The following SOX5 variants were observed in gnomAD, a reference collection of about 807,000 sequenced individuals.
The protein encoded by SOX5 is SRY-box transcription factor 5, also known as transcription factor SOX-5.
Under a neutral mutation model 92.0 loss-of-function variants are expected in SOX5, and 9 were observed. That is an observed-to-expected ratio of 0.10 (90% CI 0.06 to 0.17). The LOEUF (loss-of-function observed/expected upper bound fraction) is 0.17. Ranked by LOEUF, SOX5 falls within the 10% of genes least tolerant of loss-of-function variation. The pLI, the probability that SOX5 is intolerant of heterozygous loss-of-function variation, is 1.00. For missense variants in SOX5, 642 were observed against 944.5 expected (o/e 0.68, Z 4.20); for synonymous variants, 344 against 336.3 (o/e 1.02, Z -0.25).
chr12:24,394,210 C>T (rs1216372007), intron 1 of SOX5, among the ~76,000 whole-genome samples: 2 of 152,030 alleles, frequency 1.3e-5, no homozygotes, highest in East Asian at 1.9e-4. Context: ...AGCAGCAGGG[C>T]CATCCCATGA....
intron 4 of SOX5, among the ~76,000 whole-genome samples, chr12:24,163,593 A>G (rs971581740): frequency 6.6e-6 from 1 of 151,400 alleles, no homozygotes; most frequent in African/African-American, 2.4e-5. Flanking sequence ...TTGGGTCATA[A>G]GCTCCTAGAA....
Position 23,556,227 on chromosome 12 carries a change from A to T in SOX5, c.1488+7031T>A, listed in dbSNP as rs1945149846. Among the ~76,000 whole-genome samples the T allele has an allele frequency of 2.6e-5, 4 of 152,306 alleles. No homozygotes were observed. In the South Asian group the frequency reaches 8.3e-4, roughly 32 times the overall value. On this transcript the variant is annotated intron_variant, in intron 11 of 14. Coordinates refer to ENST00000451604, the MANE Select transcript of SOX5 (RefSeq NM_006940.6). Reference sequence around the variant, plus strand: ...GGATCAAATGCCAACTTGCACATAAAAAGCTGGTCTAGATTTTCTAATAAT... The same window carrying T: ...GGATCAAATGCCAACTTGCACATAATAAGCTGGTCTAGATTTTCTAATAAT...
At chr12:24,252,431 C>A (rs1467686414) in intron 3 of SOX5, among the ~76,000 whole-genome samples, 2 of 151,354 alleles carry the variant, frequency 1.3e-5, no homozygotes, top group African/African-American at 4.9e-5. Context: ...ATGTAACTTA[C>A]AATCACTGAA....
At chr12:24,344,007 G>A (rs777723843) in intron 2 of SOX5, among the ~76,000 whole-genome samples, 7 of 152,108 alleles carry the variant, frequency 4.6e-5, no homozygotes, top group South Asian at 4.2e-4. Flanking sequence ...CACATAGGCC[G>A]GGTGCAGGGG....
chr12:24,301,064 C>T (rs1947887716), intron 2 of SOX5, among the ~76,000 whole-genome samples: 1 of 152,142 alleles, frequency 6.6e-6, no homozygotes, highest in African/African-American at 2.4e-5. Context: ...CTCAGTGCTC[C>T]CTGCCATGAG....
chr12:23,871,268 C>T (rs2096869396), intron 2 of SOX5, among the ~76,000 whole-genome samples: 1 of 152,088 alleles, frequency 6.6e-6, no homozygotes, highest in African/African-American at 2.4e-5. Flanking sequence ...GTAATTGCTA[C>T]ATTTTATGTA....
intron 3 of SOX5, among the ~76,000 whole-genome samples, chr12:23,759,044 C>CACAG (rs535305222): frequency 0.018 from 2,764 of 151,176 alleles, 82 homozygotes; most frequent in African/African-American, 0.063. Context: ...CACACACACA[C>CACAG]ACACACACAC....
chr12:23,863,561 T>C (rs1368766528), intron 2 of SOX5, among the ~76,000 whole-genome samples: 6 of 152,174 alleles, frequency 3.9e-5, no homozygotes, highest in Admixed American at 1.3e-4. Flanking sequence ...GTTTTAATTT[T>C]ACTAACCTTA....
intron 1 of SOX5, among the ~76,000 whole-genome samples, chr12:24,454,295 T>C (rs913082744): frequency 1.2e-4 from 18 of 152,196 alleles, no homozygotes; most frequent in Non-Finnish European, 2.2e-4. Flanking sequence ...CAATCCCACT[T>C]AAGCAAGCAA....
intron 4 of SOX5, among the ~76,000 whole-genome samples, chr12:24,141,554 C>T (rs59457602): frequency 0.026 from 4,031 of 152,284 alleles, 109 homozygotes; most frequent in East Asian, 0.073. Context: ...GTTTTGTAAA[C>T]GGCTGGAAGA....
At chr12:24,318,428 C>T (rs531580684) in intron 2 of SOX5, among the ~76,000 whole-genome samples, 19 of 152,124 alleles carry the variant, frequency 1.2e-4, no homozygotes, top group Admixed American at 3.9e-4. Flanking sequence ...GGCTGAGAGA[C>T]GGTACATCTA....
intron 3 of SOX5, among the ~76,000 whole-genome samples, chr12:23,770,223 T>C (rs2094885750): frequency 6.7e-6 from 1 of 149,054 alleles, no homozygotes; most frequent in African/African-American, 2.4e-5. Context: ...GACCACCACT[T>C]TCTAGCCCCC....
At chr12:24,342,916 CTA>C (rs1476432313) in intron 2 of SOX5, among the ~76,000 whole-genome samples, 1 of 152,222 alleles carries the variant, frequency 6.6e-6, no homozygotes, top group Non-Finnish European at 1.5e-5. Context: ...TTCTCAATAG[CTA>C]TACTTCCTGT....
chr12:24,458,784 G>T (rs1158732658), intron 1 of SOX5, among the ~76,000 whole-genome samples: 1 of 152,036 alleles, frequency 6.6e-6, no homozygotes, highest in Admixed American at 6.6e-5. Context: ...TTATAATTTG[G>T]CAAACACTTC....
At chr12:23,919,114 G>A (rs2097453353) in intron 1 of SOX5, among the ~76,000 whole-genome samples, 1 of 152,124 alleles carries the variant, frequency 6.6e-6, no homozygotes, top group African/African-American at 2.4e-5. Context: ...TGCCTGCATT[G>A]TGCATGTGTG....
intron 3 of SOX5, among the ~76,000 whole-genome samples, chr12:24,244,880 G>A (rs1028766661): frequency 2.6e-5 from 4 of 152,128 alleles, no homozygotes; most frequent in Admixed American, 6.6e-5. Flanking sequence ...TAGTAGAGAC[G>A]GGGTTTCATT....
In SOX5 at chr12:24,450,470, T is replaced by TTTTATTTATTTA. The variant is rs75555397; in HGVS notation, c.-250-81843_-250-81832dup. 2.5e-3 allele frequency among the ~76,000 whole-genome samples: 358 copies of TTTTATTTATTTA among 145,870 alleles called. 1 individual carries two copies. Among genetic ancestry groups the TTTTATTTATTTA allele is most frequent in the Non-Finnish European group, 3.5e-3 (233 of 65,932 alleles). On this transcript the variant is annotated intron_variant, in intron 1 of 4. Coordinates refer to the SOX5 transcript ENST00000446891. ...ATCCATTACTTCGAGTGTGTATTTATTTTATTTATTTATTTATTTATTTAT... is the reference window on the plus strand; with the variant it reads ...ATCCATTACTTCGAGTGTGTATTTATTTTATTTATTTATTTATTTATTTATTTATTTATTTAT...
chr12:24,454,790 T>A (rs1942797866), intron 1 of SOX5, among the ~76,000 whole-genome samples: 1 of 151,762 alleles, frequency 6.6e-6, no homozygotes, highest in Non-Finnish European at 1.5e-5. Flanking sequence ...TAATAATAAC[T>A]AATTTTTTTT....
intron 2 of SOX5, among the ~76,000 whole-genome samples, chr12:24,362,573 C>G (rs1428443837): frequency 1.3e-5 from 2 of 152,102 alleles, no homozygotes; most frequent in African/African-American, 2.4e-5. Flanking sequence ...AGAATAGACA[C>G]TATAAACAAA....
Sources: allele counts gnomAD v4.1 joint callset (sites outside exome capture counted in the v4.1 genomes callset), GRCh38; gene constraint gnomAD v4.1.1; transcripts MANE v1.5; gene names NCBI Gene and HGNC (gene_info 2026-07-23, HGNC 2026-07-21).